Variants in SOX6 observed in about 807,000 individuals in gnomAD.
The protein encoded by SOX6 is SRY-box transcription factor 6.
A neutral mutation model predicts 97.8 loss-of-function variants in SOX6; 11 were observed. The ratio of observed to expected loss-of-function variants is 0.11; its 90% confidence interval spans 0.07 to 0.19. SOX6 has a LOEUF of 0.19. Among genes scored for constraint, SOX6 ranks in the 10% least tolerant of loss-of-function variants. The pLI is 1.00. For missense variants in SOX6, 810 were observed against 1,039.5 expected (o/e 0.78, Z 3.04); for synonymous variants, 360 against 371.4 (o/e 0.97, Z 0.35).
chr11:16,519,558 T>TGA (rs1466815358), intron 4 of SOX6, among the ~76,000 whole-genome samples: 1 of 152,084 alleles, frequency 6.6e-6, no homozygotes, highest in Non-Finnish European at 1.5e-5. Flanking sequence ...TAGTATTCTA[T>TGA]GATATATATA....
chr11:16,634,721 T>C (rs536794818), intron 3 of SOX6, among the ~76,000 whole-genome samples: 1 of 152,322 alleles, frequency 6.6e-6, no homozygotes, highest in South Asian at 2.1e-4. Context: ...AATGTTTAAA[T>C]TTTTCTATTT....
chr11:16,152,739 A>G (rs976097132), intron 6 of SOX6, among the ~76,000 whole-genome samples: 13 of 151,444 alleles, frequency 8.6e-5, no homozygotes, highest in African/African-American at 2.2e-4. Flanking sequence ...TCTCAAAGAT[A>G]TCAGAAATGA....
At chr11:16,157,678 T>C (rs555084508) in intron 6 of SOX6, among the ~76,000 whole-genome samples, 2 of 152,148 alleles carry the variant, frequency 1.3e-5, no homozygotes, top group South Asian at 4.1e-4. Context: ...GGTCCTTCAA[T>C]ATCTGGTGCA....
chr11:16,521,073 A>G (rs901798924), intron 4 of SOX6, among the ~76,000 whole-genome samples: 3 of 152,196 alleles, frequency 2.0e-5, no homozygotes, highest in Admixed American at 6.5e-5. Context: ...ACGAAAAGAC[A>G]GCAGTAACCT....
In SOX6 at chr11:16,544,091, T is replaced by C. The variant is rs185806156; in HGVS notation, n.610-67703A>G. 1.7e-3 allele frequency among the ~76,000 whole-genome samples: 260 copies of C among 152,164 alleles called. 2 individuals carry two copies. Among genetic ancestry groups the C allele is most frequent in the Non-Finnish European group, 3.1e-3 (213 of 68,006 alleles). ...AAAAAATGGATAAACTTAGAAAACATGCTAAGCAAAAGAAGCTAAAAACAA... is the reference window on the plus strand; with the variant it reads ...AAAAAATGGATAAACTTAGAAAACACGCTAAGCAAAAGAAGCTAAAAACAA... On this transcript the variant is annotated intron_variant and non_coding_transcript_variant, in intron 4 of 5. Transcript: ENST00000524520.
intron 9 of SOX6, among the ~76,000 whole-genome samples, chr11:16,058,587 T>C (rs1847874522): frequency 2.0e-5 from 3 of 152,110 alleles, no homozygotes; most frequent in Non-Finnish European, 4.4e-5. Context: ...CTACAGGTCA[T>C]TTATCTTAGA....
intron 4 of SOX6, among the ~76,000 whole-genome samples, chr11:16,220,394 G>A (rs1407122155): frequency 1.3e-5 from 2 of 151,930 alleles, no homozygotes; most frequent in Non-Finnish European, 2.9e-5. Context: ...TTACAAGACG[G>A]GAATGAAGCT....
chr11:16,043,295 A>G (rs780204772), intron 12 of SOX6, among the ~76,000 whole-genome samples: 1 of 152,172 alleles, frequency 6.6e-6, no homozygotes, highest in Non-Finnish European at 1.5e-5. Flanking sequence ...CAGGGCGGTA[A>G]CTTAGACATC....
chr11:16,157,507 C>G (rs1850634246), intron 6 of SOX6, among the ~76,000 whole-genome samples: 1 of 151,928 alleles, frequency 6.6e-6, no homozygotes, highest in African/African-American at 2.4e-5. Flanking sequence ...CATGTTCTGT[C>G]CCCCAGATTT....
upstream of SOX6, among the ~76,000 whole-genome samples, chr11:16,361,277 T>A (rs1857205029): frequency 6.6e-6 from 1 of 152,116 alleles, no homozygotes; most frequent in Non-Finnish European, 1.5e-5. Flanking sequence ...TACTTTACAA[T>A]AAAACCTTCA....
chr11:16,621,898 C>T (rs1178622467), intron 3 of SOX6, among the ~76,000 whole-genome samples: 1 of 152,320 alleles, frequency 6.6e-6, no homozygotes, highest in Non-Finnish European at 1.5e-5. Flanking sequence ...ATATTTCTTA[C>T]AGACCTGCTG....
chr11:16,052,963 T>G (rs541412583), intron 10 of SOX6, among the ~76,000 whole-genome samples: 3 of 152,254 alleles, frequency 2.0e-5, no homozygotes, highest in Admixed American at 6.5e-5. Flanking sequence ...CCTCAGGTTG[T>G]TTCTCACATG....
intron 4 of SOX6, among the ~76,000 whole-genome samples, chr11:16,520,745 G>A (rs904808815): frequency 6.6e-6 from 1 of 152,182 alleles, no homozygotes; most frequent in Non-Finnish European, 1.5e-5. Flanking sequence ...GGTGATGGAC[G>A]GCACCTGGAA....
chr11:16,644,520 A>G (rs1848981494), intron 3 of SOX6, among the ~76,000 whole-genome samples: 1 of 152,182 alleles, frequency 6.6e-6, no homozygotes, highest in Non-Finnish European at 1.5e-5. Flanking sequence ...TGTAATTCCT[A>G]TTAAAATTTC....
intron 1 of SOX6, among the ~76,000 whole-genome samples, chr11:16,378,978 T>C (rs564043742): frequency 2.0e-5 from 3 of 152,228 alleles, no homozygotes; most frequent in Non-Finnish European, 2.9e-5. Context: ...TTGCAACAGA[T>C]CTATGACATA....
In SOX6 at chr11:15,972,751, CTT is replaced by C; in HGVS notation, c.*56_*57del. On this transcript the variant is annotated 3_prime_UTR_variant, in exon 16 of 16. Transcript: ENST00000683767. ...AATGCATGCGGGCTCTTTAATAACT[CTT>C]TGTTGGGGAGGGGGGTGAAATGTCA... 35 of 1,589,104 alleles carry C rather than the reference CTT, an allele frequency of 2.2e-5. No homozygotes were observed. Among genetic ancestry groups the C allele is most frequent in the Non-Finnish European group, 2.8e-5 (33 of 1,157,934 alleles).
chr11:16,395,075 G>A (rs571103142), intron 1 of SOX6, among the ~76,000 whole-genome samples: 3 of 151,760 alleles, frequency 2.0e-5, no homozygotes, highest in South Asian at 2.1e-4. Flanking sequence ...CTATTTTTAT[G>A]TACTTTGCTT....
Position 15,971,728 on chromosome 11 carries a change from T to A in SOX6, c.*1081A>T, listed in dbSNP as rs549330260. On this transcript the variant is annotated 3_prime_UTR_variant, in exon 16 of 16. Transcript: ENST00000683767. ...GTTCTGGGGACATAAAATCACTATG[T>A]ACACAGGAGAAGGAGGTGAAAAGGA... 4.6e-5 allele frequency: 7 copies of A among 152,572 alleles called. No homozygotes were observed. The East Asian group carries it at 9.7e-4, about 21-fold the overall frequency. The allele number at this position is 152,572 out of a possible 1,614,324, so 9.5% of individuals were successfully genotyped here.
chr11:16,041,539 A>T (rs999827176), intron 12 of SOX6, among the ~76,000 whole-genome samples: 1 of 152,192 alleles, frequency 6.6e-6, no homozygotes, highest in Non-Finnish European at 1.5e-5. Context: ...AATGTGCCCC[A>T]ATGATTAGAT....
Sources: gnomAD v4.1 joint callset for allele counts (sites outside exome capture counted in the v4.1 genomes callset) on GRCh38, gnomAD v4.1.1 for gene constraint, MANE v1.5 for transcripts, NCBI Gene and HGNC (gene_info 2026-07-23, HGNC 2026-07-21) for gene names.